SCARB2: variants seen among roughly 807,000 people sequenced by gnomAD.
SCARB2 encodes scavenger receptor class B member 2.
SCARB2 carries 29 observed loss-of-function variants against 58.6 expected under a neutral mutation model. That is an observed-to-expected ratio of 0.49 (90% CI 0.37 to 0.67). SCARB2 has a LOEUF of 0.67. Ranked by LOEUF, SCARB2 falls within the 30% of genes least tolerant of loss-of-function variation. SCARB2 has a pLI of 0.00. For missense variants in SCARB2, 488 were observed against 578.5 expected (o/e 0.84, Z 1.60); for synonymous variants, 195 against 210.1 (o/e 0.93, Z 0.62).
At chr4:76,164,158 G>A (rs540330909) in intron 10 of SCARB2, 3 of 152,244 alleles carry the variant, frequency 2.0e-5, no homozygotes, top group Non-Finnish European at 4.4e-5. Flanking sequence ...TGAGGTATCT[G>A]AAGAGCTTAA....
chr4:76,185,572 G>T (rs1442427719), intron 2 of SCARB2, among the ~76,000 whole-genome samples: 1 of 152,190 alleles, frequency 6.6e-6, no homozygotes, highest in Non-Finnish European at 1.5e-5. Flanking sequence ...TTCATGGTTG[G>T]TTTTAGAAAT....
intron 1 of SCARB2, among the ~76,000 whole-genome samples, chr4:76,198,428 T>C (rs1732758379): frequency 6.6e-6 from 1 of 152,266 alleles, no homozygotes; most frequent in African/African-American, 2.4e-5. Flanking sequence ...CTGGCTGTTC[T>C]GACATGCGTA....
chr4:76,213,824 TGCAGGGAGCGC>T (rs1018265416), upstream of SCARB2: 13 of 277,094 alleles, frequency 4.7e-5, no homozygotes, highest in African/African-American at 3.0e-4. Flanking sequence ...CTCGGGAGAG[TGCAGGGAGCGC>T]GCAGGGACGT....
rs2109942083 is a variant in SCARB2, at chr4:76,174,326, A to G, written c.825-13T>C. The G allele has an allele frequency of 6.2e-7, 1 of 1,613,536 alleles. No individual in the cohort carries two copies. The highest frequency in any genetic ancestry group is 1.7e-5 in the Admixed American group (1 of 60,030). Reference sequence around the variant, plus strand: ...AATATACACTGACCTGTTAGGATGTAAGAATAAAAAGTGAATGTGGACTCT... The same window carrying G: ...AATATACACTGACCTGTTAGGATGTGAGAATAAAAAGTGAATGTGGACTCT... On this transcript the variant is annotated splice_polypyrimidine_tract_variant and intron_variant, in intron 6 of 11. Coordinates refer to ENST00000264896, the MANE Select transcript of SCARB2 (RefSeq NM_005506.4).
At chr4:76,226,512 G>A (rs1195631823) in intron 1 of SCARB2, among the ~76,000 whole-genome samples, 1 of 152,192 alleles carries the variant, frequency 6.6e-6, no homozygotes. Flanking sequence ...GCCACAAGGG[G>A]TTTTATGCCC....
Position 76,161,436 on chromosome 4 carries a change from C to T in SCARB2, c.*277G>A, listed in dbSNP as rs1731894604. ...TCACAAAATTCTGGAGCTACCAGCA[C>T]CCAACAACAACAAAATTACTATACA... On this transcript the variant is annotated 3_prime_UTR_variant, in exon 12 of 12. Transcript: ENST00000264896. The T allele has an allele frequency of 1.2e-5, 6 of 500,200 alleles. No individual in the cohort carries two copies. Among genetic ancestry groups the T allele is most frequent in the South Asian group, 1.1e-4 (5 of 44,126 alleles). The allele number at this position is 500,200 out of a possible 1,614,324, so 31.0% of individuals were successfully genotyped here. A position where few individuals can be genotyped will look rare whatever the true frequency, so the allele number is the denominator to read the frequency against.
At chr4:76,195,621 G>T in intron 2 of SCARB2, 86 bp downstream of exon 2, 3 of 1,164,160 alleles carry the variant, frequency 2.6e-6, no homozygotes, top group Non-Finnish European at 3.9e-6. Flanking sequence ...CAGCCCTGGA[G>T]CCTTGCTCCT....
intron 1 of SCARB2, among the ~76,000 whole-genome samples, chr4:76,231,092 T>C (rs904940840): frequency 1.3e-5 from 2 of 151,164 alleles, no homozygotes; most frequent in African/African-American, 2.5e-5. Context: ...CATGCTAAGG[T>C]GAAACCGTAG....
intron 1 of SCARB2, among the ~76,000 whole-genome samples, chr4:76,212,969 A>G (rs574356481): frequency 6.6e-6 from 1 of 152,362 alleles, no homozygotes; most frequent in East Asian, 1.9e-4. Context: ...CCAAGAGGGC[A>G]AGAACACAAT....
intron 2 of SCARB2, chr4:76,195,435 C>T (rs1732691695): frequency 2.2e-6 from 1 of 461,380 alleles, no homozygotes. Flanking sequence ...TAAGGAGTAA[C>T]CCTTCATGGT....
chr4:76,199,676 A>G (rs1158381689), intron 1 of SCARB2, among the ~76,000 whole-genome samples: 3 of 152,240 alleles, frequency 2.0e-5, no homozygotes, highest in Non-Finnish European at 2.9e-5. Flanking sequence ...TGGAGAAGCC[A>G]TAAGTTGGAC....
At chr4:76,193,539 A>G (rs1368082931) in intron 2 of SCARB2, 1 of 152,248 alleles carries the variant, frequency 6.6e-6, no homozygotes, top group Non-Finnish European at 1.5e-5. Flanking sequence ...CACCCCTTGC[A>G]CCAGTGTGCT....
chr4:76,173,087 T>C (rs1284038583), intron 7 of SCARB2: 1 of 152,182 alleles, frequency 6.6e-6, no homozygotes, highest in African/African-American at 2.4e-5. Context: ...AGTAAGTTCA[T>C]TGTGAATAAT....
chr4:76,176,156 T>C (rs1732247560), intron 5 of SCARB2: 4 of 607,972 alleles, frequency 6.6e-6, no homozygotes, highest in Admixed American at 3.0e-5. Flanking sequence ...ATTTGTGCTG[T>C]AGCTACTACA....
upstream of SCARB2, chr4:76,214,278 C>T (rs769224839): frequency 2.2e-6 from 1 of 456,024 alleles, no homozygotes; most frequent in East Asian, 7.0e-5. Flanking sequence ...TGAGATCATG[C>T]CAGCAAGCAT....
At chr4:76,230,663 C>T (rs1030168597) in intron 1 of SCARB2, among the ~76,000 whole-genome samples, 5 of 152,116 alleles carry the variant, frequency 3.3e-5, no homozygotes, top group East Asian at 1.9e-4. Flanking sequence ...GAGGAAAGAG[C>T]GTCCTCTTTC....
At chr4:76,234,126 G>A (rs147647699) in intron 1 of SCARB2, among the ~76,000 whole-genome samples, 1 of 152,186 alleles carries the variant, frequency 6.6e-6, no homozygotes, top group Non-Finnish European at 1.5e-5. Context: ...CCCAGGCAGG[G>A]AGGGGAGGGT....
chr4:76,194,890 T>C (rs1265602969), intron 2 of SCARB2: 1 of 152,108 alleles, frequency 6.6e-6, no homozygotes, highest in Non-Finnish European at 1.5e-5. Context: ...TTGGAATTGG[T>C]GGTCACCAGC....
At chr4:76,161,937 A>T (rs1197115092) in intron 11 of SCARB2, 186 bp from the exon 12 acceptor site, 4 of 656,522 alleles carry the variant, frequency 6.1e-6, no homozygotes, top group Non-Finnish European at 1.1e-5. Flanking sequence ...TAACCTTTCC[A>T]GGAGGCCTTC....
Sources: gnomAD v4.1 joint callset for allele counts (sites outside exome capture counted in the v4.1 genomes callset) on GRCh38, gnomAD v4.1.1 for gene constraint, MANE v1.5 for transcripts, NCBI Gene and HGNC (gene_info 2026-07-23, HGNC 2026-07-21) for gene names.